RBFOX1: variants seen among roughly 807,000 people sequenced by gnomAD.
RBFOX1 encodes the protein RNA binding protein fox-1 homolog 1.
RBFOX1 carries 8 observed loss-of-function variants against 57.7 expected under a neutral mutation model. The ratio of observed to expected loss-of-function variants is 0.14; its 90% CI spans 0.08 to 0.25. The LOEUF (loss-of-function observed/expected upper bound fraction) is 0.25. Ranked by LOEUF, RBFOX1 falls within the 10% of genes least tolerant of loss-of-function variation. The pLI, the probability that RBFOX1 is intolerant of heterozygous loss-of-function variation, is 1.00. For missense variants in RBFOX1, 611 were observed against 548.5 expected (o/e 1.11, Z -1.14); for synonymous variants, 326 against 222.4 (o/e 1.47, Z -4.15).
chr16:7,687,469 C>T (rs998187533), intron 14 of RBFOX1, among the ~76,000 whole-genome samples: 2 of 152,020 alleles, frequency 1.3e-5, no homozygotes, highest in East Asian at 3.9e-4. Flanking sequence ...GCAAGCCCCT[C>T]ATTTACAATC....
chr16:6,302,285 A>G (rs1299780901), intron 1 of RBFOX1, among the ~76,000 whole-genome samples: 1 of 151,650 alleles, frequency 6.6e-6, no homozygotes, highest in Non-Finnish European at 1.5e-5. Flanking sequence ...TTTCTCCCAC[A>G]CGGAGATGCT....
chr16:5,452,372 G>C (rs2068454071), intron 1 of RBFOX1, among the ~76,000 whole-genome samples: 1 of 151,970 alleles, frequency 6.6e-6, no homozygotes, highest in South Asian at 2.1e-4. Context: ...ACCTCCCAAA[G>C]TGCTGGGGTT....
At chr16:5,672,609 G>T (rs891920594) in intron 3 of RBFOX1, among the ~76,000 whole-genome samples, 1 of 152,108 alleles carries the variant, frequency 6.6e-6, no homozygotes, top group Admixed American at 6.5e-5. Flanking sequence ...GAGTTAAGTC[G>T]TATTTTCCAG....
At chr16:7,639,658 G>C (rs2062424355) in intron 11 of RBFOX1, among the ~76,000 whole-genome samples, 1 of 152,114 alleles carries the variant, frequency 6.6e-6, no homozygotes. Context: ...GGATATTTGG[G>C]AAGTAACACC....
At chr16:7,383,885 T>G (rs1327324813) in intron 4 of RBFOX1, among the ~76,000 whole-genome samples, 1 of 151,906 alleles carries the variant, frequency 6.6e-6, no homozygotes. Context: ...TGAAATACCA[T>G]CTACTAAAAA....
intron 1 of RBFOX1, among the ~76,000 whole-genome samples, chr16:6,224,139 G>T (rs1220620013): frequency 6.6e-6 from 1 of 152,010 alleles, no homozygotes; most frequent in Non-Finnish European, 1.5e-5. Context: ...GTAGCGTGAT[G>T]CCTCCAGCTT....
At chr16:5,600,639 C>T (rs1227958741), downstream of RBFOX1, among the ~76,000 whole-genome samples, 1 of 152,038 alleles carries the variant, frequency 6.6e-6, no homozygotes, top group Non-Finnish European at 1.5e-5. Context: ...TTGGTGTAAA[C>T]TGGAATCTGT....
intron 4 of RBFOX1, among the ~76,000 whole-genome samples, chr16:7,163,505 G>A (rs933546603): frequency 3.9e-5 from 6 of 151,996 alleles, no homozygotes; most frequent in Non-Finnish European, 8.8e-5. Flanking sequence ...TGGTCCTTCT[G>A]TTCCCGTTAG....
chr16:6,871,695 A>T (rs2060915204), intron 3 of RBFOX1, among the ~76,000 whole-genome samples: 1 of 151,952 alleles, frequency 6.6e-6, no homozygotes, highest in African/African-American at 2.4e-5. Context: ...GTCCCCATTA[A>T]TCTATTCTCC....
At chr16:6,824,583 CTG>C (rs2091855848) in intron 3 of RBFOX1, among the ~76,000 whole-genome samples, 1 of 152,152 alleles carries the variant, frequency 6.6e-6, no homozygotes, top group Non-Finnish European at 1.5e-5. Flanking sequence ...TAATACAAGT[CTG>C]TAAGTTAAAG....
intron 3 of RBFOX1, among the ~76,000 whole-genome samples, chr16:6,808,844 A>G (rs1449223324): frequency 6.6e-6 from 1 of 152,158 alleles, no homozygotes; most frequent in Non-Finnish European, 1.5e-5. Flanking sequence ...ACTACCTCTT[A>G]CCAAGGGAAT....
chr16:6,406,942 A>G (rs2093302647), intron 2 of RBFOX1, among the ~76,000 whole-genome samples: 1 of 152,204 alleles, frequency 6.6e-6, no homozygotes, highest in African/African-American at 2.4e-5. Context: ...TCTGCTGCCC[A>G]TCGGTAAAAT....
chr16:7,352,122 A>G (rs1206727951), intron 4 of RBFOX1, among the ~76,000 whole-genome samples: 2 of 152,074 alleles, frequency 1.3e-5, no homozygotes, highest in Non-Finnish European at 2.9e-5. Flanking sequence ...TTGTCAAAGC[A>G]CCCCACGGCA....
At position 6,255,218 on chromosome 16, in the gene RBFOX1, C is replaced by T. The variant is rs112849340; in HGVS notation, c.-126-61777C>T. On this transcript the variant is annotated intron_variant, in intron 1 of 15. Transcript: ENST00000550418. ...TTAATCACCCCATTTGCTTTGACTTCTACCTGTCAACAGCACACAATGAAG... is the reference window on the plus strand; with the variant it reads ...TTAATCACCCCATTTGCTTTGACTTTTACCTGTCAACAGCACACAATGAAG... Among the ~76,000 whole-genome samples, 197 of 152,282 alleles carry T rather than the reference C, an allele frequency of 1.3e-3. 1 individual carries two copies. The highest frequency in any genetic ancestry group is 4.1e-3 in the African/African-American group (170 of 41,554).
At chr16:6,974,389 G>T (rs1424144977) in intron 3 of RBFOX1, among the ~76,000 whole-genome samples, 1 of 133,562 alleles carries the variant, frequency 7.5e-6, no homozygotes, top group Non-Finnish European at 1.5e-5. Flanking sequence ...TTGTTGCCCA[G>T]GCTGGAGTGC....
At chr16:6,640,330 C>T (rs760871497) in intron 2 of RBFOX1, among the ~76,000 whole-genome samples, 5 of 152,024 alleles carry the variant, frequency 3.3e-5, no homozygotes, top group Non-Finnish European at 5.9e-5. Flanking sequence ...TCATAGAGGC[C>T]GGGCATAGTG....
At position 6,540,942 on chromosome 16, in the gene RBFOX1, A is replaced by C. The variant is rs144892955; in HGVS notation, c.-63-113661A>C. ...GAGTTGAGGTCTGGGATTATCTGCTATCAGAGGAAATTCCTGCCAGAACCC... is the reference window on the plus strand; with the variant it reads ...GAGTTGAGGTCTGGGATTATCTGCTCTCAGAGGAAATTCCTGCCAGAACCC... On this transcript the variant is annotated intron_variant, in intron 2 of 15. Transcript: ENST00000550418. 2.6e-5 allele frequency among the ~76,000 whole-genome samples: 4 copies of C among 152,292 alleles called. No homozygotes were observed. In the East Asian group the frequency reaches 7.7e-4, roughly 29 times the overall value.
chr16:6,862,065 A>G (rs2059121644), intron 3 of RBFOX1, among the ~76,000 whole-genome samples: 1 of 152,090 alleles, frequency 6.6e-6, no homozygotes. Flanking sequence ...TCACAGCAAA[A>G]CTGATTTCGA....
chr16:6,237,100 G>C (rs1044327924), intron 1 of RBFOX1, among the ~76,000 whole-genome samples: 1 of 152,172 alleles, frequency 6.6e-6, no homozygotes, highest in Non-Finnish European at 1.5e-5. Context: ...CTTTTGTTCT[G>C]CCTGAGCCAA....
Sources: gnomAD v4.1 joint callset for allele counts (sites outside exome capture counted in the v4.1 genomes callset) on GRCh38, gnomAD v4.1.1 for gene constraint, MANE v1.5 for transcripts, NCBI Gene and HGNC (gene_info 2026-07-23, HGNC 2026-07-21) for gene names.